The following NRP2 variants were observed in gnomAD, a reference collection of about 807,000 sequenced individuals.
NRP2 encodes neuropilin 2, also known as neuropilin-2.
NRP2 carries 52 observed loss-of-function variants against 110.4 expected under a neutral mutation model. That is an observed-to-expected ratio of 0.47 (90% CI 0.38 to 0.59). The LOEUF is 0.59. NRP2 is among the 20% of genes least tolerant of loss of function. The pLI, the probability that NRP2 is intolerant of heterozygous loss-of-function variation, is 0.00. For synonymous variants in NRP2, 508 were observed against 468.9 expected (o/e 1.08, Z -1.08); for missense variants, 1,049 against 1,203.0 (o/e 0.87, Z 1.89).
Position 205,790,915 on chromosome 2 carries a change from A to G in NRP2, c.2426-1320A>G, listed in dbSNP as rs568980105. 1.8e-4 allele frequency among the ~76,000 whole-genome samples: 27 copies of G among 152,356 alleles called. 2 individuals are homozygous for G. Among genetic ancestry groups the G allele is most frequent in the African/African-American group, 6.0e-4 (25 of 41,590 alleles). ...TTATGGAGGATTAGTGCCATGTGGC[A>G]TCAATCTTTTAAGTGGGGTCTTGGC... On this transcript the variant is annotated intron_variant, in intron 15 of 16. Coordinates refer to ENST00000357785, the MANE Select transcript of NRP2 (RefSeq NM_003872.3).
chr2:205,689,584 G>C (rs920155396), intron 1 of NRP2, among the ~76,000 whole-genome samples: 2 of 152,134 alleles, frequency 1.3e-5, no homozygotes, highest in Non-Finnish European at 2.9e-5. Context: ...TCTGTGTTTT[G>C]TAAGCACCAT....
intron 7 of NRP2, among the ~76,000 whole-genome samples, chr2:205,734,699 T>C (rs2057311548): frequency 6.6e-6 from 1 of 152,158 alleles, no homozygotes; most frequent in African/African-American, 2.4e-5. Context: ...CCTGCTTTGT[T>C]TTCCCCCTTC....
rs1012481165 is a variant in NRP2 at position 205,781,134 on chromosome 2, T to C, written c.2426-11101T>C. On this transcript the variant is annotated intron_variant, in intron 15 of 16. Transcript: ENST00000357785. ...TAAATTAGCCATCACTTATGCTTTGTTGGCATTACTGTTTTTGGAACCATG... is the reference window on the plus strand; with the variant it reads ...TAAATTAGCCATCACTTATGCTTTGCTGGCATTACTGTTTTTGGAACCATG... Among the ~76,000 whole-genome samples, 9 of 152,358 alleles carry C rather than the reference T, an allele frequency of 5.9e-5. No individual in the cohort carries two copies. In the South Asian group the frequency reaches 1.9e-3, roughly 32 times the overall value.
chr2:205,703,938 T>C (rs1243761654), intron 2 of NRP2, among the ~76,000 whole-genome samples: 1 of 152,180 alleles, frequency 6.6e-6, no homozygotes, highest in Non-Finnish European at 1.5e-5. Flanking sequence ...TTTAATTGTA[T>C]TTCCTGGCCA....
intron 12 of NRP2, among the ~76,000 whole-genome samples, chr2:205,755,332 A>G (rs556521855): frequency 1.3e-5 from 2 of 152,198 alleles, no homozygotes; most frequent in Non-Finnish European, 2.9e-5. Context: ...TGCTAAATCT[A>G]ATGTTGTTCC....
At chr2:205,779,431 G>A (rs1360174335) in intron 15 of NRP2, 1 of 152,202 alleles carries the variant, frequency 6.6e-6, no homozygotes, top group African/African-American at 2.4e-5. Flanking sequence ...AATTGAATAG[G>A]AAATACAGTA....
chr2:205,759,919 A>G (rs1468276960), intron 12 of NRP2, among the ~76,000 whole-genome samples: 1 of 152,144 alleles, frequency 6.6e-6, no homozygotes, highest in African/African-American at 2.4e-5. Flanking sequence ...CTGTCTTTGT[A>G]TCCATTTTAC....
chr2:205,740,425 T>A, intron 7 of NRP2, 94 bp from the exon 8 acceptor site: 2 of 1,390,808 alleles, frequency 1.4e-6, no homozygotes, highest in Non-Finnish European at 2.0e-6. Flanking sequence ...GAAAGAAAAT[T>A]TGACAGAACT....
intron 16 of NRP2, among the ~76,000 whole-genome samples, chr2:205,792,564 C>T (rs990565297): frequency 6.6e-6 from 1 of 152,190 alleles, no homozygotes; most frequent in African/African-American, 2.4e-5. Flanking sequence ...TGAATAAACC[C>T]TTTACAAGTG....
intron 3 of NRP2, among the ~76,000 whole-genome samples, chr2:205,719,492 T>C (rs1420564539): frequency 6.6e-6 from 1 of 151,458 alleles, no homozygotes; most frequent in Non-Finnish European, 1.5e-5. Flanking sequence ...AAAAAAGGAA[T>C]TTTTAAACGT....
rs566457159 is a variant in NRP2, at chr2:205,710,869, A to G, written c.252-5324A>G. Among the ~76,000 whole-genome samples, 3 of 152,358 alleles carry G rather than the reference A, an allele frequency of 2.0e-5. No individual in the cohort carries two copies. In the South Asian group the frequency reaches 6.2e-4, roughly 32 times the overall value. On this transcript the variant is annotated intron_variant, in intron 2 of 16. Coordinates refer to ENST00000357785, the MANE Select transcript of NRP2 (RefSeq NM_003872.3). ...ATTCTCTGGCCTGGATAATCTACTC[A>G]TGAAATATGGAACTTTGAAAGTGTG... is the stretch of plus-strand genomic sequence containing the variant.
intron 1 of NRP2, among the ~76,000 whole-genome samples, chr2:205,692,934 T>C (rs561824044): frequency 9.7e-4 from 148 of 152,354 alleles, no homozygotes; most frequent in Middle Eastern, 6.8e-3. Flanking sequence ...CAGAGTTGTC[T>C]ACTAGCTTAC....
intron 1 of NRP2, among the ~76,000 whole-genome samples, chr2:205,685,137 C>G (rs1389340033): frequency 1.3e-5 from 2 of 152,222 alleles, no homozygotes; most frequent in Admixed American, 6.5e-5. Flanking sequence ...GGACCCACTC[C>G]CGCTCTGCCA....
At chr2:205,699,835 G>A (rs528782989) in intron 2 of NRP2, among the ~76,000 whole-genome samples, 4 of 152,166 alleles carry the variant, frequency 2.6e-5, no homozygotes, top group South Asian at 2.1e-4. Flanking sequence ...AAGTGAAGGA[G>A]GTCAGAAAAA....
intron 12 of NRP2, among the ~76,000 whole-genome samples, chr2:205,758,001 T>G (rs140583628): frequency 6.6e-6 from 1 of 152,064 alleles, no homozygotes; most frequent in African/African-American, 2.4e-5. Context: ...GGCAAAACCT[T>G]CATGAAAGCC....
chr2:205,753,300 T>TA (rs1423369505), intron 12 of NRP2, among the ~76,000 whole-genome samples: 2 of 152,184 alleles, frequency 1.3e-5, no homozygotes, highest in African/African-American at 4.8e-5. Context: ...CTTGTTCCCA[T>TA]AGCCAGCACC....
chr2:205,735,192 GC>G (rs2057321406), intron 7 of NRP2, among the ~76,000 whole-genome samples: 1 of 151,960 alleles, frequency 6.6e-6, no homozygotes, highest in Non-Finnish European at 1.5e-5. Context: ...GGTATTGATA[GC>G]AAAGATGAAT....
At chr2:205,712,545 C>T (rs967953890) in intron 2 of NRP2, among the ~76,000 whole-genome samples, 2 of 152,148 alleles carry the variant, frequency 1.3e-5, no homozygotes, top group African/African-American at 4.8e-5. Flanking sequence ...AAGCCTCTGC[C>T]TAACTCTTCA....
chr2:205,717,087 C>T (rs2056913180), intron 3 of NRP2, among the ~76,000 whole-genome samples: 1 of 152,152 alleles, frequency 6.6e-6, no homozygotes, highest in Non-Finnish European at 1.5e-5. Flanking sequence ...ATTTCCAAAA[C>T]TAAATACAGC....
Sources: gnomAD v4.1 joint callset for allele counts (sites outside exome capture counted in the v4.1 genomes callset) on GRCh38, gnomAD v4.1.1 for gene constraint, MANE v1.5 for transcripts, NCBI Gene and HGNC (gene_info 2026-07-23, HGNC 2026-07-21) for gene names.